Variants in PELI2 observed in about 807,000 individuals in gnomAD.
PELI2 encodes pellino E3 ubiquitin protein ligase family member 2, also known as E3 ubiquitin-protein ligase pellino homolog 2.
PELI2 carries 23 observed loss-of-function variants against 42.3 expected under a neutral mutation model. That is an observed-to-expected ratio of 0.54 (90% confidence interval 0.39 to 0.77). The LOEUF is 0.77. Among genes scored for constraint, PELI2 ranks in the 30% least tolerant of loss-of-function variants. The pLI, the probability that PELI2 is intolerant of heterozygous loss-of-function variation, is 0.00. For synonymous variants in PELI2, 245 were observed against 212.2 expected (o/e 1.15, Z -1.34); for missense variants, 463 against 553.2 (o/e 0.84, Z 1.64).
At chr14:56,286,265 A>G (rs1009490871) in intron 3 of PELI2, among the ~76,000 whole-genome samples, 1 of 152,194 alleles carries the variant, frequency 6.6e-6, no homozygotes, top group Non-Finnish European at 1.5e-5. Flanking sequence ...TGTCAATGGA[A>G]AGATTGCTTT....
intron 2 of PELI2, among the ~76,000 whole-genome samples, chr14:56,222,853 G>C (rs948395073): frequency 6.6e-6 from 1 of 152,212 alleles, no homozygotes; most frequent in Non-Finnish European, 1.5e-5. Flanking sequence ...CTAACTACAT[G>C]GCAGCTGAAG....
chr14:56,165,187 T>C (rs751095248), intron 1 of PELI2, among the ~76,000 whole-genome samples: 14 of 152,176 alleles, frequency 9.2e-5, no homozygotes, highest in Non-Finnish European at 2.1e-4. Context: ...CTGTTAGTAC[T>C]ACTTTTGCTG....
At chr14:56,131,373 A>G (rs1035022506) in intron 1 of PELI2, among the ~76,000 whole-genome samples, 2 of 152,248 alleles carry the variant, frequency 1.3e-5, no homozygotes, top group East Asian at 1.9e-4. Flanking sequence ...GTGGTGAGGT[A>G]CATATGACCC....
Position 56,271,880 on chromosome 14 carries a change from G to A in PELI2, c.208-7796G>A, listed in dbSNP as rs561131813. 1.3e-3 allele frequency among the ~76,000 whole-genome samples: 197 copies of A among 152,150 alleles called. 1 individual carries two copies. The highest frequency in any genetic ancestry group is 1.0e-3 in the Non-Finnish European group (69 of 68,032). On this transcript the variant is annotated intron_variant, in intron 2 of 5. Transcript: ENST00000267460. The stretch of plus-strand genomic sequence containing the variant: ...TGAGGAGATGCATGCTCATCCCAGA[G>A]CACATCCAGCCCCAGGGACTCTTTC...
intron 1 of PELI2, among the ~76,000 whole-genome samples, chr14:56,170,582 T>A (rs1885129186): frequency 6.6e-6 from 1 of 152,214 alleles, no homozygotes; most frequent in Non-Finnish European, 1.5e-5. Context: ...TAAGTTCGTG[T>A]GTGATCAGCC....
chr14:56,219,461 C>T lies in PELI2; in HGVS notation c.207+40997C>T, dbSNP rs1301385029. 2.0e-5 allele frequency among the ~76,000 whole-genome samples: 3 copies of T among 152,198 alleles called. No homozygotes were observed. The highest frequency in any genetic ancestry group is 6.5e-5 in the Admixed American group (1 of 15,282). ...TCCTTTCCTCTCGCAGTAACTACAG[C>T]ATGATTTGTTTTACCCCTCAGCACT... On this transcript the variant is annotated intron_variant, in intron 2 of 5. Coordinates refer to ENST00000267460, the MANE Select transcript of PELI2 (RefSeq NM_021255.3). This position sits in a 1 kb window ranked among gnomAD's most constrained non-coding sequence, Gnocchi z 4.1.
rs534260467 is a variant in PELI2 at position 56,218,091 on chromosome 14, G to A, written c.207+39627G>A. ...CTGCTCAACATCATGTAGCTAATAC[G>A]TGATAAAGCTGGGGTTTGAGCCCTG... On this transcript the variant is annotated intron_variant, in intron 2 of 5. Coordinates refer to ENST00000267460, the MANE Select transcript of PELI2 (RefSeq NM_021255.3). 2.6e-5 allele frequency among the ~76,000 whole-genome samples: 4 copies of A among 152,294 alleles called. 1 individual carries two copies. Among genetic ancestry groups the A allele is most frequent in the African/African-American group, 7.2e-5 (3 of 41,566 alleles).
intron 1 of PELI2, chr14:56,119,854 C>A: frequency 1.0e-6 from 1 of 985,084 alleles, no homozygotes; most frequent in Non-Finnish European, 1.2e-6. Flanking sequence ...ACATCCTCGG[C>A]GCTGATAGGT....
At chr14:56,123,878 C>T (rs1257696805) in intron 1 of PELI2, among the ~76,000 whole-genome samples, 1 of 152,200 alleles carries the variant, frequency 6.6e-6, no homozygotes, top group Non-Finnish European at 1.5e-5. Context: ...GGTTTTATAT[C>T]TGCTGTGCAG....
intron 1 of PELI2, among the ~76,000 whole-genome samples, chr14:56,163,708 A>G: frequency 6.6e-6 from 1 of 152,084 alleles, no homozygotes. Context: ...ATCCATGAAC[A>G]TGGGATGTCT....
chr14:56,278,969 C>G (rs1044873655), intron 2 of PELI2, among the ~76,000 whole-genome samples: 1 of 152,034 alleles, frequency 6.6e-6, no homozygotes, highest in African/African-American at 2.4e-5. Context: ...ACTTTTTGTT[C>G]AAACATATCA....
rs970298889 is a variant in PELI2, at chr14:56,189,996, G to C, written c.207+11532G>C. 3.2e-4 allele frequency among the ~76,000 whole-genome samples: 48 copies of C among 152,266 alleles called. 2 individuals are homozygous for C. The highest frequency in any genetic ancestry group is 2.7e-3 in the Admixed American group (41 of 15,284). On this transcript the variant is annotated intron_variant, in intron 2 of 5. Coordinates refer to ENST00000267460, the MANE Select transcript of PELI2 (RefSeq NM_021255.3). ...GTGAAAATGCATCTGATCTAAATCA[G>C]TTTTGCATTCTCTGGTCTGCTAACA...
chr14:56,222,727 G>A (rs1011672876), intron 2 of PELI2, among the ~76,000 whole-genome samples: 5 of 152,222 alleles, frequency 3.3e-5, no homozygotes, highest in Non-Finnish European at 5.9e-5. Context: ...CAGGCTTGGT[G>A]AATGGATGGT....
intron 1 of PELI2, among the ~76,000 whole-genome samples, chr14:56,124,036 CG>C (rs1883159119): frequency 6.6e-6 from 1 of 152,092 alleles, no homozygotes; most frequent in African/African-American, 2.4e-5. Context: ...TTTAATTAAA[CG>C]TTTCTCCTGG....
At chr14:56,293,046 T>C (rs1350072002) in intron 5 of PELI2, 1 of 154,222 alleles carries the variant, frequency 6.5e-6, no homozygotes, top group Non-Finnish European at 1.4e-5. Context: ...GGTCAGGCTC[T>C]AGCAGGTGCA....
intron 2 of PELI2, among the ~76,000 whole-genome samples, chr14:56,267,594 A>G (rs1445893520): frequency 6.6e-6 from 1 of 152,116 alleles, no homozygotes; most frequent in Non-Finnish European, 1.5e-5. Context: ...GAAAATACCA[A>G]CTGCCAAAAT....
At chr14:56,122,294 G>A (rs1227253002) in intron 1 of PELI2, among the ~76,000 whole-genome samples, 1 of 152,166 alleles carries the variant, frequency 6.6e-6, no homozygotes, top group East Asian at 1.9e-4. Context: ...GGGCCTAATG[G>A]TCATGGTATA....
At chr14:56,268,639 C>A (rs879542341) in intron 2 of PELI2, among the ~76,000 whole-genome samples, 2 of 152,180 alleles carry the variant, frequency 1.3e-5, no homozygotes, top group Non-Finnish European at 2.9e-5. Context: ...AAATGCAATG[C>A]TGTTTTAAAG....
In PELI2 at chr14:56,296,923, T is replaced by C. The variant is rs751593641; in HGVS notation, c.1020T>C (p.Thr340=). 8 of 1,614,118 alleles carry C rather than the reference T, an allele frequency of 5.0e-6. No individual in the cohort carries two copies. In the East Asian group the frequency reaches 8.9e-5, roughly 18 times the overall value. Reference sequence around the variant, plus strand: ...AGAGGGAGTGTCCCATGTGCAGGACTGTGGGCCCCTATGTGCCTCTCTGGC... The same window carrying C: ...AGAGGGAGTGTCCCATGTGCAGGACCGTGGGCCCCTATGTGCCTCTCTGGC... The part of the protein sequence containing the change: ...ANERECPMCR[T]VGPYVPLWLG... The change falls in exon 6 of 6, where the codon ACT becomes ACC. Residue 340 remains threonine (T), a synonymous_variant. Coordinates refer to ENST00000267460, the MANE Select transcript of PELI2 (RefSeq NM_021255.3).
Sources: allele counts gnomAD v4.1 joint callset (sites outside exome capture counted in the v4.1 genomes callset), GRCh38; gene constraint gnomAD v4.1.1; non-coding constraint Gnocchi (gnomAD v3.1); transcripts MANE v1.5; gene names NCBI Gene and HGNC (gene_info 2026-07-23, HGNC 2026-07-21).